Variants in NSMCE2 observed in about 807,000 individuals in gnomAD.
NSMCE2 encodes the protein E3 SUMO-protein ligase NSE2.
In NSMCE2, 24 loss-of-function variants were observed where a neutral mutation model predicts 23.8. That is an observed-to-expected ratio of 1.01 (90% CI 0.73 to 1.42). The LOEUF is 1.42. Ranked by LOEUF, NSMCE2 falls within the 40% of genes most tolerant of loss-of-function variation. The pLI is 0.00. For synonymous variants in NSMCE2, 92 were observed against 94.1 expected (o/e 0.98, Z 0.13); for missense variants, 284 against 296.5 (o/e 0.96, Z 0.31).
chr8:125,228,215 T>C (rs1392630949), intron 5 of NSMCE2, among the ~76,000 whole-genome samples: 2 of 152,188 alleles, frequency 1.3e-5, no homozygotes, highest in Non-Finnish European at 2.9e-5. Flanking sequence ...ATTTCAAAAG[T>C]TGAAATAAGT....
At chr8:125,123,821 T>A (rs557858761) in intron 3 of NSMCE2, among the ~76,000 whole-genome samples, 1 of 152,322 alleles carries the variant, frequency 6.6e-6, no homozygotes, top group Non-Finnish European at 1.5e-5. Flanking sequence ...CCTTGTTTTT[T>A]AAAAAAATTC....
At chr8:125,261,129 T>C (rs1373532266) in intron 5 of NSMCE2, among the ~76,000 whole-genome samples, 1 of 152,340 alleles carries the variant, frequency 6.6e-6, no homozygotes, top group East Asian at 1.9e-4. Context: ...TCCATAGTCA[T>C]TACAGAAGCA....
At chr8:125,243,056 C>T (rs577236551) in intron 5 of NSMCE2, among the ~76,000 whole-genome samples, 16 of 152,120 alleles carry the variant, frequency 1.1e-4, no homozygotes, top group African/African-American at 3.9e-4. Flanking sequence ...AAAAAATCAC[C>T]AGACATGGAA....
chr8:125,262,202 G>A (rs1381628708), intron 5 of NSMCE2, among the ~76,000 whole-genome samples: 1 of 152,014 alleles, frequency 6.6e-6, no homozygotes, highest in East Asian at 1.9e-4. Context: ...GAGGCAGGTG[G>A]ATCGCAAGGT....
chr8:125,167,363 A>G (rs139880511), intron 4 of NSMCE2, among the ~76,000 whole-genome samples: 2,325 of 152,240 alleles, frequency 0.015, 41 homozygotes, highest in Admixed American at 0.048. Flanking sequence ...TGAGAGTTGC[A>G]TTAAAAGAAT....
chr8:125,252,591 C>T (rs1210515560), intron 5 of NSMCE2, among the ~76,000 whole-genome samples: 1 of 152,176 alleles, frequency 6.6e-6, no homozygotes, highest in Non-Finnish European at 1.5e-5. Flanking sequence ...TTGACTATCT[C>T]AAAAATTGGC....
intron 5 of NSMCE2, among the ~76,000 whole-genome samples, chr8:125,298,694 T>TG (rs1434379926): frequency 9.3e-6 from 1 of 107,038 alleles, no homozygotes; most frequent in Non-Finnish European, 2.0e-5. Context: ...TGGGTTTTTT[T>TG]TTGTTTTTTT....
chr8:125,150,147 C>T (rs1015841828), intron 3 of NSMCE2, among the ~76,000 whole-genome samples: 4 of 152,124 alleles, frequency 2.6e-5, no homozygotes, highest in Non-Finnish European at 4.4e-5. Context: ...TCCCTTTTCC[C>T]TGTTCTGCTT....
At chr8:125,122,914 A>G (rs1819339554) in intron 3 of NSMCE2, among the ~76,000 whole-genome samples, 1 of 152,148 alleles carries the variant, frequency 6.6e-6, no homozygotes, top group Non-Finnish European at 1.5e-5. Context: ...ATTTTCACTC[A>G]AAAGCAGCCA....
chr8:125,145,997 A>G (rs1181099298), intron 3 of NSMCE2, among the ~76,000 whole-genome samples: 2 of 152,180 alleles, frequency 1.3e-5, no homozygotes, highest in East Asian at 1.9e-4. Context: ...AAACTTATTA[A>G]TCTTCAAAAA....
chr8:125,139,764 T>C (rs1427491535), intron 3 of NSMCE2, among the ~76,000 whole-genome samples: 1 of 152,234 alleles, frequency 6.6e-6, no homozygotes, highest in African/African-American at 2.4e-5. Flanking sequence ...AGCCAAACTA[T>C]ATCATCTTCC....
intron 5 of NSMCE2, among the ~76,000 whole-genome samples, chr8:125,325,993 C>A (rs55808842): frequency 0.084 from 12,785 of 151,812 alleles, 674 homozygotes; most frequent in South Asian, 0.16. Flanking sequence ...CGCGGTGGCT[C>A]ATGCCTGTAA....
intron 5 of NSMCE2, among the ~76,000 whole-genome samples, chr8:125,325,420 G>A (rs550259864): frequency 1.3e-5 from 2 of 152,260 alleles, no homozygotes; most frequent in African/African-American, 2.4e-5. Flanking sequence ...GCACGATCTC[G>A]GCTCATTGCA....
rs78348516 is a variant in NSMCE2 at position 125,176,121 on chromosome 8, G to A, written c.265-5982G>A. The stretch of plus-strand genomic sequence containing the variant: ...GATTTTGAGCTAAAATGAGCAATTC[G>A]TTGAAGAGTCTGTGGAATTTCTGGG... On this transcript the variant is annotated intron_variant, in intron 4 of 7. Coordinates refer to ENST00000287437, the MANE Select transcript of NSMCE2 (RefSeq NM_173685.4). Among the ~76,000 whole-genome samples the A allele has an allele frequency of 1.2e-4, 19 of 152,210 alleles. No individual in the cohort carries two copies. The East Asian group carries it at 2.9e-3, about 23-fold the overall frequency.
intron 3 of NSMCE2, among the ~76,000 whole-genome samples, chr8:125,122,827 A>T (rs1369188999): frequency 1.3e-5 from 2 of 152,120 alleles, no homozygotes; most frequent in African/African-American, 4.8e-5. Context: ...GTTTGAAAAG[A>T]CCAGTTAATA....
intron 1 of NSMCE2, among the ~76,000 whole-genome samples, chr8:125,100,276 G>A (rs1818125299): frequency 6.6e-6 from 1 of 152,144 alleles, no homozygotes; most frequent in Non-Finnish European, 1.5e-5. Flanking sequence ...GAAAAGTCAA[G>A]TATTGTCTTA....
intron 4 of NSMCE2, among the ~76,000 whole-genome samples, chr8:125,180,732 G>C (rs79438574): frequency 0.022 from 3,282 of 152,270 alleles, 129 homozygotes; most frequent in African/African-American, 0.075. Flanking sequence ...GGGGGGAGGA[G>C]ATCAAGATTA....
At chr8:125,342,696 G>A (rs1203451198) in intron 5 of NSMCE2, among the ~76,000 whole-genome samples, 1 of 151,760 alleles carries the variant, frequency 6.6e-6, no homozygotes, top group African/African-American at 2.4e-5. Flanking sequence ...CAGTCAGCAG[G>A]TTTTTGTGGG....
Position 125,182,503 on chromosome 8 carries a change from G to A in NSMCE2, c.418+247G>A, listed in dbSNP as rs962920564. On this transcript the variant is annotated intron_variant, in intron 5 of 7. Transcript: ENST00000287437. ...AAAATTTCCCAGCAGCTAGTTATGTGTATTGTCCCATTGCTGGGGAGGGAA... is the reference window on the plus strand; with the variant it reads ...AAAATTTCCCAGCAGCTAGTTATGTATATTGTCCCATTGCTGGGGAGGGAA... The A allele has an allele frequency of 3.8e-5, 19 of 506,132 alleles. No homozygotes were observed. In the Admixed American group the frequency reaches 4.9e-4, roughly 13 times the overall value. 31.4% of individuals were successfully genotyped at this position (506,132 alleles called of 1,614,324 possible). A position where few individuals can be genotyped will look rare whatever the true frequency, so the allele number is the denominator to read the frequency against.
Sources: allele counts gnomAD v4.1 joint callset (sites outside exome capture counted in the v4.1 genomes callset), GRCh38; gene constraint gnomAD v4.1.1; transcripts MANE v1.5; gene names NCBI Gene and HGNC (gene_info 2026-07-23, HGNC 2026-07-21).